Variants in AGMO observed in about 807,000 individuals in gnomAD.
AGMO encodes alkylglycerol monooxygenase.
AGMO carries 75 observed loss-of-function variants against 60.2 expected under a neutral mutation model. The ratio of observed to expected loss-of-function variants is 1.25; its 90% CI spans 1.03 to 1.51. The LOEUF (loss-of-function observed/expected upper bound fraction) is 1.51. Among genes scored for constraint, AGMO ranks in the 40% most tolerant of loss-of-function variants. The pLI, the probability that AGMO is intolerant of heterozygous loss-of-function variation, is 0.00. For missense variants in AGMO, 763 were observed against 525.5 expected (o/e 1.45, Z -4.42); for synonymous variants, 261 against 177.1 (o/e 1.47, Z -3.76).
chr7:15,271,186 A>G (rs374095402), intron 12 of AGMO, among the ~76,000 whole-genome samples: 21 of 152,162 alleles, frequency 1.4e-4, no homozygotes, highest in East Asian at 9.6e-4. Context: ...TTTAAAACTG[A>G]TATTTCTTAC....
chr7:15,331,047 T>C (rs1172695517), intron 12 of AGMO, among the ~76,000 whole-genome samples: 1 of 152,126 alleles, frequency 6.6e-6, no homozygotes, highest in Non-Finnish European at 1.5e-5. Context: ...TGGGGGAAGC[T>C]AGAAGCTATC....
At chr7:15,290,782 G>A (rs115277992) in intron 12 of AGMO, among the ~76,000 whole-genome samples, 3,400 of 152,042 alleles carry the variant, frequency 0.022, 123 homozygotes, top group African/African-American at 0.078. Flanking sequence ...CCAAACTTTC[G>A]TGATGATTTT....
chr7:15,441,730 T>C (rs1020396879), intron 3 of AGMO, among the ~76,000 whole-genome samples: 1 of 152,100 alleles, frequency 6.6e-6, no homozygotes, highest in African/African-American at 2.4e-5. Context: ...CTTTCTATAA[T>C]TTGTCTCCAC....
intron 3 of AGMO, among the ~76,000 whole-genome samples, chr7:15,529,453 C>A (rs1004906442): frequency 1.3e-4 from 19 of 145,210 alleles, no homozygotes; most frequent in Admixed American, 5.1e-4. Flanking sequence ...ACAAAAAAAA[C>A]AACAATTAAG....
chr7:15,470,812 C>T (rs990033189), intron 3 of AGMO, among the ~76,000 whole-genome samples: 3 of 152,040 alleles, frequency 2.0e-5, no homozygotes, highest in African/African-American at 7.2e-5. Flanking sequence ...TACCAATAAA[C>T]ATAAATACTT....
intron 12 of AGMO, among the ~76,000 whole-genome samples, chr7:15,241,388 A>AG (rs1188616969): frequency 3.0e-5 from 4 of 132,586 alleles, no homozygotes; most frequent in African/African-American, 1.1e-4. Flanking sequence ...TGAACCCAAG[A>AG]GGCGGAGCTT....
intron 12 of AGMO, among the ~76,000 whole-genome samples, chr7:15,225,907 C>T (rs1259977749): frequency 6.6e-6 from 1 of 151,882 alleles, no homozygotes; most frequent in African/African-American, 2.4e-5. Flanking sequence ...TCTTCTTACC[C>T]TGGCAACTTG....
chr7:15,479,313 A>T (rs2128516451), intron 3 of AGMO, among the ~76,000 whole-genome samples: 1 of 152,288 alleles, frequency 6.6e-6, no homozygotes, highest in African/African-American at 2.4e-5. Context: ...AATCTAATGG[A>T]TTGAATACAC....
At position 15,210,720 on chromosome 7, in the gene AGMO, C is replaced by G. The variant is rs145418868; in HGVS notation, c.1264-9361G>C. ...TCTTATTATTTTTATCCCAATAATT[C>G]AAAATAAATCTTTGGCTAGGCCTCT... On this transcript the variant is annotated intron_variant, in intron 12 of 12. Coordinates refer to ENST00000342526, the MANE Select transcript of AGMO (RefSeq NM_001004320.2). Among the ~76,000 whole-genome samples the G allele has an allele frequency of 6.6e-5, 10 of 152,064 alleles. No individual in the cohort carries two copies. The East Asian group carries it at 1.9e-3, about 29-fold the overall frequency.
intron 12 of AGMO, among the ~76,000 whole-genome samples, chr7:15,304,847 T>C (rs1471647968): frequency 2.0e-5 from 3 of 151,970 alleles, no homozygotes; most frequent in Admixed American, 2.0e-4. Context: ...TGAGGCATTA[T>C]TATTATTCTT....
At chr7:15,421,134 G>A (rs1206775317) in intron 4 of AGMO, among the ~76,000 whole-genome samples, 1 of 152,158 alleles carries the variant, frequency 6.6e-6, no homozygotes, top group Non-Finnish European at 1.5e-5. Context: ...TGCTATTGTA[G>A]AAGGCGTTGG....
At chr7:15,255,733 A>C (rs1783077949) in intron 12 of AGMO, among the ~76,000 whole-genome samples, 1 of 152,190 alleles carries the variant, frequency 6.6e-6, no homozygotes, top group Admixed American at 6.5e-5. Flanking sequence ...AAAGTTATAC[A>C]TTGCATTAAC....
chr7:15,196,585 C>T (rs1183895026), downstream of AGMO, among the ~76,000 whole-genome samples: 2 of 152,192 alleles, frequency 1.3e-5, no homozygotes, highest in Non-Finnish European at 2.9e-5. Flanking sequence ...TGCAGCTTAT[C>T]ATTGCCAGAG....
chr7:15,268,680 CAAAT>C (rs1485406402), intron 12 of AGMO, among the ~76,000 whole-genome samples: 13 of 151,146 alleles, frequency 8.6e-5, no homozygotes, highest in Non-Finnish European at 1.9e-4. Flanking sequence ...GATACATAGT[CAAAT>C]AAAGTTGTTC....
At chr7:15,482,584 A>G (rs1782788373) in intron 3 of AGMO, among the ~76,000 whole-genome samples, 1 of 152,208 alleles carries the variant, frequency 6.6e-6, no homozygotes, top group African/African-American at 2.4e-5. Flanking sequence ...AGGAAGAAAT[A>G]GTGACAAATT....
At chr7:15,354,086 G>C (rs536914905) in intron 12 of AGMO, among the ~76,000 whole-genome samples, 1 of 151,708 alleles carries the variant, frequency 6.6e-6, no homozygotes, top group Admixed American at 6.6e-5. Flanking sequence ...GTATTTTGTT[G>C]TTCATGGAAA....
chr7:15,164,002 G>A, the AGMO span, among the ~76,000 whole-genome samples: 35,839 of 151,854 alleles, frequency 0.24, 4,584 homozygotes, highest in African/African-American at 0.34. Flanking sequence ...TACTGGCTCT[G>A]TAAGGCTATG....
intron 3 of AGMO, among the ~76,000 whole-genome samples, chr7:15,532,034 A>T (rs1400123341): frequency 6.6e-6 from 1 of 152,170 alleles, no homozygotes; most frequent in African/African-American, 2.4e-5. Context: ...AACATCTAGC[A>T]AATGCTATGA....
intron 12 of AGMO, among the ~76,000 whole-genome samples, chr7:15,216,908 T>A (rs1438105891): frequency 6.6e-6 from 1 of 151,824 alleles, no homozygotes; most frequent in East Asian, 1.9e-4. Flanking sequence ...TGTTTGGCAA[T>A]GTGAAATATA....
Sources: gnomAD v4.1 joint callset for allele counts (sites outside exome capture counted in the v4.1 genomes callset) on GRCh38, gnomAD v4.1.1 for gene constraint, MANE v1.5 for transcripts, NCBI Gene and HGNC (gene_info 2026-07-23, HGNC 2026-07-21) for gene names.